The following SND1 variants were observed in gnomAD, a reference collection of about 807,000 sequenced individuals.
SND1 encodes the protein staphylococcal nuclease and tudor domain containing 1, also known as staphylococcal nuclease domain-containing protein 1.
Under a neutral mutation model 121.7 loss-of-function variants are expected in SND1, and 38 were observed. The ratio of observed to expected loss-of-function variants is 0.31; its 90% CI spans 0.24 to 0.41. SND1 has a LOEUF of 0.41. Ranked by LOEUF, SND1 falls within the 10% of genes least tolerant of loss-of-function variation. The pLI is 1.00. For synonymous variants in SND1, 401 were observed against 447.4 expected (o/e 0.90, Z 1.31); for missense variants, 868 against 1,184.6 (o/e 0.73, Z 3.92).
At chr7:127,878,839 T>C (rs1799737336) in intron 12 of SND1, among the ~76,000 whole-genome samples, 1 of 152,192 alleles carries the variant, frequency 6.6e-6, no homozygotes, top group African/African-American at 2.4e-5. Flanking sequence ...ATAAAGCATG[T>C]GTGCCACCTC....
chr7:127,941,491 G>A (rs1278374317), intron 15 of SND1, among the ~76,000 whole-genome samples: 1 of 152,142 alleles, frequency 6.6e-6, no homozygotes, highest in Non-Finnish European at 1.5e-5. Flanking sequence ...TCTGCGGCTG[G>A]TGGAGAAGTT....
At chr7:128,053,523 C>G (rs1257828465) in intron 16 of SND1, among the ~76,000 whole-genome samples, 1 of 152,104 alleles carries the variant, frequency 6.6e-6, no homozygotes, top group Non-Finnish European at 1.5e-5. Context: ...CCCCCACTAC[C>G]TGGAAAACTG....
chr7:127,952,214 G>A (rs1386366008), intron 15 of SND1, among the ~76,000 whole-genome samples: 2 of 152,194 alleles, frequency 1.3e-5, no homozygotes, highest in Non-Finnish European at 2.9e-5. Flanking sequence ...GGAAAGCGAT[G>A]TATATTCTTA....
At chr7:127,985,615 A>G (rs532251893) in intron 15 of SND1, among the ~76,000 whole-genome samples, 1 of 152,256 alleles carries the variant, frequency 6.6e-6, no homozygotes, top group East Asian at 1.9e-4. Flanking sequence ...CCAGTCACCA[A>G]TAACATACCT....
intron 15 of SND1, among the ~76,000 whole-genome samples, chr7:127,955,535 A>G (rs1465623477): frequency 6.6e-6 from 1 of 152,074 alleles, no homozygotes; most frequent in African/African-American, 2.4e-5. Flanking sequence ...TTATGCAGAG[A>G]GACTTTGGTG....
chr7:128,000,902 G>T (rs185959336), intron 16 of SND1, among the ~76,000 whole-genome samples: 2 of 152,112 alleles, frequency 1.3e-5, no homozygotes, highest in East Asian at 1.9e-4. Context: ...TAATACTAAC[G>T]TTGTGGTGTT....
chr7:127,830,370 A>G (rs1022306170), intron 11 of SND1, among the ~76,000 whole-genome samples: 1 of 152,110 alleles, frequency 6.6e-6, no homozygotes, highest in African/African-American at 2.4e-5. Context: ...TCTTGGTGCT[A>G]ATGCTGGTTG....
At chr7:127,884,723 C>T (rs1473528692) in intron 12 of SND1, among the ~76,000 whole-genome samples, 2 of 152,066 alleles carry the variant, frequency 1.3e-5, no homozygotes, top group Non-Finnish European at 2.9e-5. Flanking sequence ...GATGAGTTTT[C>T]TCCAATTAAT....
intron 15 of SND1, among the ~76,000 whole-genome samples, chr7:127,978,877 G>GACAA (rs1802191598): frequency 4.0e-5 from 6 of 151,870 alleles, no homozygotes; most frequent in Non-Finnish European, 7.4e-5. Flanking sequence ...AGTAGAGGTG[G>GACAA]GGTTTCACCA....
chr7:127,914,395 G>A (rs1239960784), intron 14 of SND1, among the ~76,000 whole-genome samples: 1 of 152,066 alleles, frequency 6.6e-6, no homozygotes, highest in African/African-American at 2.4e-5. Context: ...CTTCTTCCAG[G>A]TAATTTCTCC....
At chr7:128,045,940 AAGCATCTC>A (rs1792938269) in intron 16 of SND1, among the ~76,000 whole-genome samples, 1 of 152,188 alleles carries the variant, frequency 6.6e-6, no homozygotes, top group African/African-American at 2.4e-5. Flanking sequence ...CCTTCCCCAC[AAGCATCTC>A]AGCTGACTTC....
At chr7:127,844,737 A>T (rs1799026701) in intron 12 of SND1, among the ~76,000 whole-genome samples, 1 of 152,232 alleles carries the variant, frequency 6.6e-6, no homozygotes. Context: ...ATACTGTCTA[A>T]AATGGTCTCT....
rs576558603 is a variant in SND1, at chr7:127,886,228, G to A, written c.1344-1674G>A. Among the ~76,000 whole-genome samples, 14 of 152,014 alleles carry A rather than the reference G, an allele frequency of 9.2e-5. No homozygotes were observed. The South Asian group carries it at 2.7e-3, about 29-fold the overall frequency. ...GCTGGCAGTAGATAAACAGACATCC[G>A]AGGGGCATATAATGAGAAGATAATC... On this transcript the variant is annotated intron_variant, in intron 12 of 23. Coordinates refer to ENST00000354725, the MANE Select transcript of SND1 (RefSeq NM_014390.4).
chr7:127,902,661 A>T (rs1337308108), intron 13 of SND1, among the ~76,000 whole-genome samples: 1 of 152,174 alleles, frequency 6.6e-6, no homozygotes, highest in African/African-American at 2.4e-5. Flanking sequence ...GGATCCCTGA[A>T]TGATAAATCA....
At chr7:127,836,213 C>G (rs1386754178) in intron 11 of SND1, among the ~76,000 whole-genome samples, 2 of 152,064 alleles carry the variant, frequency 1.3e-5, no homozygotes, top group African/African-American at 4.8e-5. Context: ...GGATAGGAGA[C>G]TCATTTTGTC....
At chr7:128,018,921 C>T (rs1044656698) in intron 16 of SND1, among the ~76,000 whole-genome samples, 2 of 152,222 alleles carry the variant, frequency 1.3e-5, no homozygotes, top group African/African-American at 4.8e-5. Context: ...GTTAAGGCCA[C>T]ATACCTGTAC....
At chr7:127,722,798 G>A (rs1796519199) in intron 10 of SND1, among the ~76,000 whole-genome samples, 1 of 152,152 alleles carries the variant, frequency 6.6e-6, no homozygotes, top group Non-Finnish European at 1.5e-5. Flanking sequence ...TGGCCAATCA[G>A]TTCTTTCTCT....
At chr7:127,791,078 C>A (rs1007418025) in intron 10 of SND1, among the ~76,000 whole-genome samples, 3 of 151,508 alleles carry the variant, frequency 2.0e-5, no homozygotes, top group African/African-American at 4.9e-5. Flanking sequence ...TGATAGCATT[C>A]CTGATGCTTC....
At chr7:127,815,946 T>C (rs1369155278) in intron 11 of SND1, among the ~76,000 whole-genome samples, 1 of 152,200 alleles carries the variant, frequency 6.6e-6, no homozygotes, top group African/African-American at 2.4e-5. Flanking sequence ...TGTTTTGTCT[T>C]ACTTCCTTTA....
Sources: gnomAD v4.1 joint callset for allele counts (sites outside exome capture counted in the v4.1 genomes callset) on GRCh38, gnomAD v4.1.1 for gene constraint, MANE v1.5 for transcripts, NCBI Gene and HGNC (gene_info 2026-07-23, HGNC 2026-07-21) for gene names.